FBLN2: variants seen among roughly 807,000 people sequenced by gnomAD.
FBLN2 encodes fibulin-2.
In FBLN2, 81 loss-of-function variants were observed where a neutral mutation model predicts 123.7. The ratio of observed to expected loss-of-function variants is 0.65; its 90% CI spans 0.55 to 0.79. The LOEUF (loss-of-function observed/expected upper bound fraction) is 0.79. FBLN2 is among the 30% of genes least tolerant of loss of function. The pLI is 0.00. For missense variants in FBLN2, 1,603 were observed against 1,681.3 expected, an observed-to-expected ratio of 0.95 and a Z score of 0.81; for synonymous variants, 699 against 701.4, an observed-to-expected ratio of 1.00 and a Z score of 0.05.
intron 6 of FBLN2, 142 bp from the exon 7 acceptor site, chr3:13,618,762 C>G: frequency 1.5e-6 from 1 of 646,124 alleles, no homozygotes; most frequent in Non-Finnish European, 2.8e-6. Flanking sequence ...CACTCCAAAC[C>G]TCATTTTCCT....
At chr3:13,635,820 AG>A (rs1283135791) in intron 16 of FBLN2, among the ~76,000 whole-genome samples, 33 of 152,268 alleles carry the variant, frequency 2.2e-4, no homozygotes, top group Non-Finnish European at 4.0e-4. Flanking sequence ...GCCCAGGTTG[AG>A]GGGGGACGGT....
chr3:13,553,294 G>A (rs1329638080), intron 1 of FBLN2, among the ~76,000 whole-genome samples: 1 of 152,208 alleles, frequency 6.6e-6, no homozygotes, highest in Admixed American at 6.5e-5. Flanking sequence ...TCCCTCTGCA[G>A]CCCAGGTGTA....
At position 13,570,783 on chromosome 3, in the gene FBLN2, G is replaced by C. The variant is rs760101943; in HGVS notation, c.428G>C (p.Gly143Ala). The C allele has an allele frequency of 1.9e-6, 3 of 1,598,808 alleles. No homozygotes were observed. The highest frequency in any genetic ancestry group is 2.6e-6 in the Non-Finnish European group (3 of 1,173,794). The stretch of plus-strand genomic sequence containing the variant: ...GGCCAGGTGGGCTGCGTCCACGCGG[G>C]CCACAAGTACGCCGCTGGCCACACT... Reference protein sequence around the residue: ...QCGQVGCVHAGHKYAAGHTVH... With the variant: ...QCGQVGCVHAAHKYAAGHTVH... The change falls in exon 2 of 18, where the codon GGC (glycine) becomes GCC (alanine). Residue 143 changes from glycine (G) to alanine (A), a missense_variant. Coordinates refer to ENST00000404922, the MANE Select transcript of FBLN2 (RefSeq NM_001004019.2).
chr3:13,635,410 C>T (rs1706426116), intron 16 of FBLN2, among the ~76,000 whole-genome samples: 2 of 151,822 alleles, frequency 1.3e-5, no homozygotes, highest in South Asian at 4.2e-4. Context: ...CCACACACAC[C>T]CCTACCCCAC....
chr3:13,587,279 G>T (rs1301582110), intron 2 of FBLN2, among the ~76,000 whole-genome samples: 1 of 151,932 alleles, frequency 6.6e-6, no homozygotes, highest in Non-Finnish European at 1.5e-5. Flanking sequence ...ATTACAAAAG[G>T]GTAAAAAATT....
intron 2 of FBLN2, among the ~76,000 whole-genome samples, chr3:13,581,292 A>G (rs1704319229): frequency 1.3e-5 from 2 of 152,052 alleles, no homozygotes; most frequent in Admixed American, 1.3e-4. Context: ...AAAGTCCGGT[A>G]GTGGTTGGGC....
chr3:13,631,597 A>T (rs1706261113), intron 16 of FBLN2, 140 bp downstream of exon 16: 2 of 1,043,854 alleles, frequency 1.9e-6, no homozygotes, highest in African/African-American at 3.2e-5. Flanking sequence ...CAATGCTACC[A>T]GTGGCCATGT....
chr3:13,635,980 G>A (rs1559430560), intron 16 of FBLN2, among the ~76,000 whole-genome samples: 1 of 152,166 alleles, frequency 6.6e-6, no homozygotes, highest in South Asian at 2.1e-4. Context: ...CCTGGAGGGG[G>A]TGACTCAAGA....
In FBLN2 at chr3:13,570,735, T is replaced by A. The variant is rs1245039390; in HGVS notation, c.380T>A (p.Val127Glu). The change falls in exon 2 of 18, where the codon GTG becomes GAG. Residue 127 changes from valine (V) to glutamate (E), a missense_variant. By Grantham distance (121) the Val-to-Glu change is moderately radical. Coordinates refer to ENST00000404922, the MANE Select transcript of FBLN2 (RefSeq NM_001004019.2). ...LPPNCIEAVV[V>E]ADSCPQCGQV... ...CCCAACTGCATCGAGGCTGTAGTGG[T>A]GGCTGACAGCTGCCCACAGTGCGGC... 1.2e-6 allele frequency: 2 copies of A among 1,601,194 alleles called. No homozygotes were observed. The highest frequency in any genetic ancestry group is 1.7e-6 in the Non-Finnish European group (2 of 1,174,376).
intron 2 of FBLN2, among the ~76,000 whole-genome samples, chr3:13,577,511 G>C (rs1433705585): frequency 6.6e-6 from 1 of 152,226 alleles, no homozygotes; most frequent in Non-Finnish European, 1.5e-5. Context: ...TCTACTCTGA[G>C]GTGAGAGCTA....
chr3:13,564,168 G>T (rs28603113), intron 1 of FBLN2, among the ~76,000 whole-genome samples: 5 of 152,110 alleles, frequency 3.3e-5, no homozygotes, highest in Admixed American at 2.6e-4. Context: ...GTGTGAACAG[G>T]CTGGGTGGCT....
At chr3:13,601,805 T>A (rs1437562588) in intron 2 of FBLN2, among the ~76,000 whole-genome samples, 1 of 152,134 alleles carries the variant, frequency 6.6e-6, no homozygotes, top group African/African-American at 2.4e-5. Flanking sequence ...GAGAGGGTTA[T>A]TTATTTGTTT....
intron 4 of FBLN2, among the ~76,000 whole-genome samples, chr3:13,610,378 G>A (rs944299525): frequency 2.6e-5 from 4 of 152,180 alleles, no homozygotes; most frequent in Non-Finnish European, 5.9e-5. Context: ...ACCGGTTATT[G>A]AGGGTGTTTC....
intron 2 of FBLN2, among the ~76,000 whole-genome samples, chr3:13,572,759 C>T (rs757152356): frequency 4.6e-5 from 7 of 152,230 alleles, no homozygotes; most frequent in East Asian, 1.9e-4. Flanking sequence ...ACCTAAGAGC[C>T]GTCCTCAAAG....
In FBLN2 at chr3:13,618,896, C is replaced by T; in HGVS notation, c.1940-8C>T. The T allele has an allele frequency of 6.2e-7, 1 of 1,609,008 alleles. No homozygotes were observed. The highest frequency in any genetic ancestry group is 8.5e-7 in the Non-Finnish European group (1 of 1,177,382). ...CCTGCAACCCCCACTCTGCTCTACC[C>T]ATGACAGAGGGTCACCCTCCACAGC... On this transcript the variant is annotated splice_region_variant and splice_polypyrimidine_tract_variant and intron_variant, in intron 6 of 17. Transcript: ENST00000404922.
chr3:13,620,011 C>T (rs1399314942), intron 8 of FBLN2, among the ~76,000 whole-genome samples, 180 bp downstream of exon 8: 2 of 152,144 alleles, frequency 1.3e-5, no homozygotes, highest in Non-Finnish European at 1.5e-5. Flanking sequence ...ACCGTACGTG[C>T]GGTGTATACA....
At chr3:13,585,099 A>G (rs1479859055) in intron 2 of FBLN2, among the ~76,000 whole-genome samples, 1 of 152,234 alleles carries the variant, frequency 6.6e-6, no homozygotes, top group Non-Finnish European at 1.5e-5. Flanking sequence ...GCCTGGATGC[A>G]GGAGCAGGGA....
Position 13,578,970 on chromosome 3 carries a change from G to A in FBLN2, c.1306+7309G>A, listed in dbSNP as rs901418563. The stretch of plus-strand genomic sequence containing the variant: ...CTTGGGAGGTTGAGGCAGGAGAATC[G>A]CTTGAACCTAGGAGGCGGAGGTTGT... On this transcript the variant is annotated intron_variant, in intron 2 of 17. Coordinates refer to ENST00000404922, the MANE Select transcript of FBLN2 (RefSeq NM_001004019.2). Among the ~76,000 whole-genome samples the A allele has an allele frequency of 1.3e-4, 20 of 152,232 alleles. No individual in the cohort carries two copies. In the South Asian group the frequency reaches 3.1e-3, roughly 24 times the overall value.
In FBLN2 at chr3:13,638,155, C is replaced by T. The variant is rs989989401; in HGVS notation, c.*236C>T. The T allele has an allele frequency of 9.4e-6, 6 of 640,506 alleles. No individual in the cohort carries two copies. Among genetic ancestry groups the T allele is most frequent in the African/African-American group, 9.2e-5 (5 of 54,442 alleles). 39.7% of individuals were successfully genotyped at this position (640,506 alleles called of 1,614,324 possible). A position where few individuals can be genotyped will look rare whatever the true frequency, so the allele number is the denominator to read the frequency against. On this transcript the variant is annotated 3_prime_UTR_variant, in exon 18 of 18. Coordinates refer to ENST00000404922, the MANE Select transcript of FBLN2 (RefSeq NM_001004019.2). ...CTTGCACGGTGGGCCACGGCCGTGG[C>T]GGGTGCCCTGTGGGTGAGGCTGGGT...
Sources: allele counts gnomAD v4.1 joint callset (sites outside exome capture counted in the v4.1 genomes callset), GRCh38; gene constraint gnomAD v4.1.1; transcripts MANE v1.5; gene names NCBI Gene and HGNC (gene_info 2026-07-23, HGNC 2026-07-21).